The following TBC1D9B variants were observed in gnomAD, a reference collection of about 807,000 sequenced individuals.
TBC1D9B encodes the protein TBC1 domain family member 9B.
Under a neutral mutation model 121.1 loss-of-function variants are expected in TBC1D9B, and 87 were observed. The observed-to-expected ratio is 0.72, with a 90% CI of 0.60 to 0.86. TBC1D9B has a LOEUF of 0.86. Among genes scored for constraint, TBC1D9B ranks in the 40% least tolerant of loss-of-function variants. TBC1D9B has a pLI of 0.00. For synonymous variants in TBC1D9B, 668 were observed against 670.1 expected, an observed-to-expected ratio of 1.00 and a Z score of 0.05; for missense variants, 1,540 against 1,628.6, an observed-to-expected ratio of 0.95 and a Z score of 0.94.
chr5:179,872,687 C>T, intron 14 of TBC1D9B: 2 of 583,570 alleles, frequency 3.4e-6, no homozygotes, highest in South Asian at 2.2e-5. Flanking sequence ...GTGACACATC[C>T]ACCAGCAGAG....
At chr5:179,883,894 CCTTTCCCCTGCTGTGGTCGGT>C (rs1359194348) in intron 7 of TBC1D9B, among the ~76,000 whole-genome samples, 1 of 152,148 alleles carries the variant, frequency 6.6e-6, no homozygotes, top group Non-Finnish European at 1.5e-5. Context: ...GCTGGAGAGG[CCTTTCCCCTGCTGTGGTCGGT>C]CTGTGTAGTC....
chr5:179,880,692 C>A (rs764892999), intron 7 of TBC1D9B, among the ~76,000 whole-genome samples: 2 of 151,530 alleles, frequency 1.3e-5, no homozygotes, highest in Admixed American at 6.6e-5. Flanking sequence ...CAGTGTATTG[C>A]GTATCAATTT....
At chr5:179,898,737 C>T (rs530618467) in intron 3 of TBC1D9B, among the ~76,000 whole-genome samples, 1 of 152,314 alleles carries the variant, frequency 6.6e-6, no homozygotes, top group African/African-American at 2.4e-5. Flanking sequence ...GTGTGGGCCA[C>T]CACACCTGGC....
At chr5:179,897,935 A>G (rs1352988127) in intron 3 of TBC1D9B, among the ~76,000 whole-genome samples, 1 of 152,200 alleles carries the variant, frequency 6.6e-6, no homozygotes, top group African/African-American at 2.4e-5. Context: ...GGCCTGCCCA[A>G]AGCAACTTTG....
At position 179,902,125 on chromosome 5, in the gene TBC1D9B, G is replaced by A. The variant is rs269472; in HGVS notation, c.229+2577C>T. On this transcript the variant is annotated intron_variant, in intron 2 of 20. Transcript: ENST00000355235. The surrounding 1 kb of genome is among the most constrained non-coding windows in gnomAD (Gnocchi z 4.9). ...CCTGCCCTCACCCTCGGAAGCTCCC[G>A]GCCTCATGGGCTTCCACGTAAAAGC... Among the ~76,000 whole-genome samples, 14,034 of 152,276 alleles carry A rather than the reference G, an allele frequency of 0.092. 2,141 individuals are homozygous for A. The highest frequency in any genetic ancestry group is 0.32 in the African/African-American group (13,092 of 41,514).
chr5:179,889,131 G>A (rs1455214867), intron 6 of TBC1D9B, among the ~76,000 whole-genome samples: 3 of 151,920 alleles, frequency 2.0e-5, no homozygotes, highest in East Asian at 1.9e-4. Flanking sequence ...CCGGGTTCAC[G>A]CCATTCTCCT....
At chr5:179,894,944 C>A (rs1760979709) in intron 3 of TBC1D9B, among the ~76,000 whole-genome samples, 1 of 152,202 alleles carries the variant, frequency 6.6e-6, no homozygotes, top group Non-Finnish European at 1.5e-5. Flanking sequence ...CTCACTGTAG[C>A]CTCAACCCAA....
intron 12 of TBC1D9B, among the ~76,000 whole-genome samples, chr5:179,873,740 T>C (rs2113611907): frequency 6.6e-6 from 1 of 152,276 alleles, no homozygotes; most frequent in East Asian, 1.9e-4. Context: ...GCCCTACCTC[T>C]GTCAGCTGAC....
At chr5:179,868,045 CTT>C (rs982009045) in intron 17 of TBC1D9B, 196 bp from the exon 18 acceptor site, 344 of 363,018 alleles carry the variant, frequency 9.5e-4, no homozygotes, top group Middle Eastern at 1.5e-3. Flanking sequence ...CTTTCCTCAG[CTT>C]TTTTTTTTTT....
intron 18 of TBC1D9B, 114 bp from the exon 19 acceptor site, chr5:179,866,002 G>T (rs763658086): frequency 2.4e-5 from 32 of 1,321,844 alleles, no homozygotes; most frequent in Non-Finnish European, 3.4e-5. Flanking sequence ...CCCAGGCCAG[G>T]CCCTGGGGAG....
chr5:179,863,251 G>A lies in TBC1D9B; in HGVS notation c.*197C>T, dbSNP rs576390538. The A allele has an allele frequency of 3.4e-4, 211 of 626,292 alleles. No individual in the cohort carries two copies. In the African/African-American group the frequency reaches 3.4e-3, roughly 10 times the overall value. 38.8% of individuals were successfully genotyped at this position (626,292 alleles called of 1,614,324 possible). ...CTTCCTGGGCCCAGAAGCAGCCGGC[G>A]CCAGGAGATGCAGGCCCAGGGAATC... On this transcript the variant is annotated 3_prime_UTR_variant, in exon 21 of 21. Transcript: ENST00000355235. This position sits in a 1 kb window ranked among gnomAD's most constrained non-coding sequence, Gnocchi z 4.5.
Position 179,904,220 on chromosome 5 carries a change from C to CTTTCTTTTTT in TBC1D9B, c.229+481_229+482insAAAAAAGAAA, listed in dbSNP as rs1554098283. Among the ~76,000 whole-genome samples, 96 of 80,890 alleles carry CTTTCTTTTTT rather than the reference C, an allele frequency of 1.2e-3. 2 individuals are homozygous for CTTTCTTTTTT. The highest frequency in any genetic ancestry group is 4.6e-3 in the African/African-American group (92 of 19,996). The allele number at this position is 80,890 out of a possible 152,430, so 53.1% of individuals were successfully genotyped here. ...CTGTCCCCATGACCAGTGGAGCTGC[C>CTTTCTTTTTT]TTTTTTTTTTTTTTTTTTTTTTGAG... On this transcript the variant is annotated intron_variant, in intron 2 of 20. Transcript: ENST00000355235. The surrounding 1 kb of genome is among the most constrained non-coding windows in gnomAD (Gnocchi z 4.2).
chr5:179,896,032 G>T, intron 3 of TBC1D9B, among the ~76,000 whole-genome samples: 1 of 152,192 alleles, frequency 6.6e-6, no homozygotes, highest in East Asian at 1.9e-4. Flanking sequence ...AGATGACACC[G>T]CACGCATCTG....
In TBC1D9B at chr5:179,907,699, C is replaced by T. The variant is rs1761364269; in HGVS notation, c.118+5G>A. ...CACAGGCCCGGCCGCCCGCGCGCCT[C>T]TCACCCGTAAGGCCGCCGCCCCTGC... On this transcript the variant is annotated splice_donor_5th_base_variant and intron_variant, in intron 1 of 20. Transcript: ENST00000355235. The surrounding 1 kb of genome is among the most constrained non-coding windows in gnomAD (Gnocchi z 5.3). The T allele has an allele frequency of 8.8e-7, 1 of 1,139,984 alleles. No individual in the cohort carries two copies. Among genetic ancestry groups the T allele is most frequent in the Non-Finnish European group, 1.1e-6 (1 of 908,592 alleles). 70.6% of individuals were successfully genotyped at this position (1,139,984 alleles called of 1,614,324 possible).
chr5:179,900,800 T>C (rs916876061), intron 2 of TBC1D9B, among the ~76,000 whole-genome samples: 3 of 152,208 alleles, frequency 2.0e-5, no homozygotes, highest in African/African-American at 7.2e-5. Flanking sequence ...TCAGCCTTCT[T>C]GCTCTTAGGA....
In TBC1D9B at chr5:179,874,022, T is replaced by TC. The variant is rs1333416301; in HGVS notation, c.2187-775dup. Among the ~76,000 whole-genome samples, 2 of 151,846 alleles carry TC rather than the reference T, an allele frequency of 1.3e-5. No individual in the cohort carries two copies. The highest frequency in any genetic ancestry group is 4.8e-5 in the African/African-American group (2 of 41,290). On this transcript the variant is annotated intron_variant, in intron 12 of 20. Coordinates refer to ENST00000355235, the MANE Select transcript of TBC1D9B (RefSeq NM_015043.4). The surrounding 1 kb of genome is among the most constrained non-coding windows in gnomAD (Gnocchi z 4.3). Reference sequence around the variant, plus strand: ...TGACAACCCTGCTGGATCTAGAGAGTCCCAGGCAGCACCTGGCCTGGCCAT... The same window carrying TC: ...TGACAACCCTGCTGGATCTAGAGAGTCCCCAGGCAGCACCTGGCCTGGCCAT...
intron 2 of TBC1D9B, 103 bp from the exon 3 acceptor site, chr5:179,899,410 T>G (rs753271697): frequency 5.0e-5 from 46 of 914,910 alleles, no homozygotes; most frequent in Non-Finnish European, 8.0e-5. Flanking sequence ...ATTTGCTAAA[T>G]CTAAGTGACC....
chr5:179,880,918 C>A (rs979820858), intron 7 of TBC1D9B, among the ~76,000 whole-genome samples: 1 of 152,198 alleles, frequency 6.6e-6, no homozygotes, highest in Non-Finnish European at 1.5e-5. Flanking sequence ...CTGCTTCCCA[C>A]CTGAGCTCCC....
chr5:179,876,171 T>G, intron 10 of TBC1D9B, 134 bp from the exon 11 acceptor site: 1 of 681,468 alleles, frequency 1.5e-6, no homozygotes, highest in Non-Finnish European at 2.4e-6. Context: ...TTATTTTTAT[T>G]ATTTTTCAGG....
Sources: gnomAD v4.1 joint callset for allele counts (sites outside exome capture counted in the v4.1 genomes callset) on GRCh38, gnomAD v4.1.1 for gene constraint, Gnocchi (gnomAD v3.1) non-coding constraint, MANE v1.5 for transcripts, NCBI Gene and HGNC (gene_info 2026-07-23, HGNC 2026-07-21) for gene names.